MEGF10: variants seen among roughly 807,000 people sequenced by gnomAD.
MEGF10 encodes multiple epidermal growth factor-like domains protein 10.
MEGF10 carries 86 observed loss-of-function variants against 147.5 expected under a neutral mutation model. The observed-to-expected ratio is 0.58, with a 90% CI of 0.49 to 0.70. The LOEUF is 0.70. MEGF10 is among the 30% of genes least tolerant of loss of function. The pLI, the probability that MEGF10 is intolerant of heterozygous loss-of-function variation, is 0.00. For missense variants in MEGF10, 1,329 were observed against 1,487.3 expected, an observed-to-expected ratio of 0.89 and a Z score of 1.75; for synonymous variants, 478 against 525.5, an observed-to-expected ratio of 0.91 and a Z score of 1.24.
At chr5:127,328,258 A>G (rs1053377784) in intron 1 of MEGF10, among the ~76,000 whole-genome samples, 9 of 152,110 alleles carry the variant, frequency 5.9e-5, no homozygotes, top group Admixed American at 5.9e-4. Context: ...TTGATCAAAC[A>G]ATTCTTTTTG....
chr5:127,294,835 T>TAATAATAATAATAATAATAATAAAA (rs56033520), intron 1 of MEGF10, among the ~76,000 whole-genome samples: 2 of 143,138 alleles, frequency 1.4e-5, no homozygotes, highest in East Asian at 4.0e-4. Context: ...ATAATAATAA[T>TAATAATAATAATAATAATAATAAAA]AAATAACTTG....
In MEGF10 at chr5:127,445,649, A is replaced by C. The variant is rs766417834; in HGVS notation, c.2684A>C (p.Tyr895Ser). 5 of 1,614,002 alleles carry C rather than the reference A, an allele frequency of 3.1e-6. No individual in the cohort carries two copies. The highest frequency in any genetic ancestry group is 4.2e-6 in the Non-Finnish European group (5 of 1,180,010). The change falls in exon 20 of 25, where the codon TAC becomes TCC. Residue 895 changes from tyrosine to serine, a missense_variant. This residue lies in a region of MEGF10 where 343 missense variants were observed against 377.9 expected (regional missense o/e 0.91). Transcript: ENST00000503335. The part of the protein sequence containing the change: ...GKESSMPAVT[Y>S]TPAMRVVNAD... Reference sequence around the variant, plus strand: ...GAATCAAGCATGCCAGCAGTTACCTACACCCCTGCTATGAGGGTCGTCAAT... The same window carrying C: ...GAATCAAGCATGCCAGCAGTTACCTCCACCCCTGCTATGAGGGTCGTCAAT...
At chr5:127,345,501 T>C (rs114244425) in intron 4 of MEGF10, among the ~76,000 whole-genome samples, 2,207 of 152,116 alleles carry the variant, frequency 0.015, 29 homozygotes, top group Non-Finnish European at 0.024. Flanking sequence ...TAGAATGTGA[T>C]TAGAAAAAAA....
intron 5 of MEGF10, among the ~76,000 whole-genome samples, chr5:127,382,583 T>G (rs142313505): frequency 1.3e-5 from 2 of 152,310 alleles, no homozygotes; most frequent in East Asian, 3.9e-4. Flanking sequence ...ATGCCTTAAA[T>G]TAGCTTTTAG....
At chr5:127,263,587 A>G in the MEGF10 span, among the ~76,000 whole-genome samples, 13 of 152,164 alleles carry the variant, frequency 8.5e-5, no homozygotes, top group African/African-American at 3.1e-4. Context: ...TTCTAAATTT[A>G]GCTTAAGCAT....
intron 9 of MEGF10, among the ~76,000 whole-genome samples, chr5:127,411,405 C>T (rs541866200): frequency 2.6e-5 from 4 of 152,320 alleles, no homozygotes; most frequent in African/African-American, 7.2e-5. Context: ...TTGCATTCAG[C>T]ACAGCTGTTA....
the MEGF10 span, among the ~76,000 whole-genome samples, chr5:127,272,371 G>T: frequency 6.6e-6 from 1 of 152,040 alleles, no homozygotes; most frequent in Non-Finnish European, 1.5e-5. Context: ...TTTGCCTCCA[G>T]CTTTGTTCAT....
At chr5:127,410,816 G>T (rs1764530114) in intron 9 of MEGF10, among the ~76,000 whole-genome samples, 1 of 152,212 alleles carries the variant, frequency 6.6e-6, no homozygotes, top group Non-Finnish European at 1.5e-5. Flanking sequence ...AATGGTTACT[G>T]GTGGATAGCA....
At chr5:127,427,018 A>G (rs1332967842) in intron 13 of MEGF10, among the ~76,000 whole-genome samples, 1 of 152,224 alleles carries the variant, frequency 6.6e-6, no homozygotes, top group East Asian at 1.9e-4. Context: ...CCATCCAGAA[A>G]GCAACTTTGA....
chr5:127,349,057 A>G (rs918251663), intron 4 of MEGF10, among the ~76,000 whole-genome samples: 4 of 152,170 alleles, frequency 2.6e-5, no homozygotes, highest in African/African-American at 7.2e-5. Context: ...CTTTAAAATA[A>G]CATTTTAAAA....
intron 4 of MEGF10, among the ~76,000 whole-genome samples, chr5:127,359,472 T>C (rs940287575): frequency 6.6e-6 from 1 of 152,120 alleles, no homozygotes; most frequent in African/African-American, 2.4e-5. Context: ...CTCACCTCAA[T>C]TATGATAGTG....
chr5:127,365,609 A>G (rs1054778883), intron 4 of MEGF10, among the ~76,000 whole-genome samples: 1 of 152,184 alleles, frequency 6.6e-6, no homozygotes, highest in African/African-American at 2.4e-5. Context: ...TCTTCTCATC[A>G]GTGTCTCTTG....
the MEGF10 span, among the ~76,000 whole-genome samples, chr5:127,255,312 G>A: frequency 1.6e-4 from 24 of 152,214 alleles, no homozygotes; most frequent in Middle Eastern, 6.8e-3. Context: ...ACAACTGAGC[G>A]GCAAGGGATT....
chr5:127,348,714 G>T (rs1561586109), intron 4 of MEGF10, among the ~76,000 whole-genome samples: 2 of 152,012 alleles, frequency 1.3e-5, no homozygotes, highest in Admixed American at 6.6e-5. Flanking sequence ...TTCATTCATT[G>T]GTCTAACAAA....
intron 8 of MEGF10, among the ~76,000 whole-genome samples, chr5:127,404,438 C>A (rs547837123): frequency 1.3e-4 from 20 of 152,184 alleles, no homozygotes; most frequent in African/African-American, 4.8e-4. Context: ...TTACACCAAC[C>A]TATAACCCCT....
the MEGF10 span, among the ~76,000 whole-genome samples, chr5:127,242,018 T>C: frequency 6.6e-6 from 1 of 152,132 alleles, no homozygotes; most frequent in Non-Finnish European, 1.5e-5. Flanking sequence ...TTTATAGGGA[T>C]AGATTACATG....
intron 4 of MEGF10, among the ~76,000 whole-genome samples, chr5:127,359,056 T>C (rs1476939979): frequency 6.7e-6 from 1 of 149,176 alleles, no homozygotes; most frequent in Non-Finnish European, 1.5e-5. Flanking sequence ...ACAAGCTGTT[T>C]TGTTTTTTTT....
chr5:127,271,631 C>G, the MEGF10 span, among the ~76,000 whole-genome samples: 1 of 151,940 alleles, frequency 6.6e-6, no homozygotes, highest in South Asian at 2.1e-4. Flanking sequence ...GGTGGCCACC[C>G]CCCATGCTGT....
intron 5 of MEGF10, among the ~76,000 whole-genome samples, chr5:127,380,865 T>C (rs1200693421): frequency 6.6e-6 from 1 of 152,178 alleles, no homozygotes; most frequent in Non-Finnish European, 1.5e-5. Context: ...GGCCATAGAC[T>C]GGTAGCTGCA....
Sources: gnomAD v4.1 joint callset for allele counts (sites outside exome capture counted in the v4.1 genomes callset) on GRCh38, gnomAD v4.1.1 for gene constraint, gnomAD v4.1.1 regional missense constraint, MANE v1.5 for transcripts, NCBI Gene and HGNC (gene_info 2026-07-23, HGNC 2026-07-21) for gene names.